The following ATXN7 variants were observed in gnomAD, a reference collection of about 807,000 sequenced individuals.
ATXN7 encodes ataxin 7.
A neutral mutation model predicts 70.5 loss-of-function variants in ATXN7; 12 were observed. The ratio of observed to expected loss-of-function variants is 0.17; its 90% CI spans 0.11 to 0.28. ATXN7 has a LOEUF of 0.28. Ranked by LOEUF, ATXN7 falls within the 10% of genes least tolerant of loss-of-function variation. The pLI, the probability that ATXN7 is intolerant of heterozygous loss-of-function variation, is 1.00. For missense variants in ATXN7, 1,256 were observed against 1,131.7 expected, an observed-to-expected ratio of 1.11 and a Z score of -1.58; for synonymous variants, 498 against 448.7, an observed-to-expected ratio of 1.11 and a Z score of -1.39.
At chr3:63,881,767 CGT>C (rs1402688383) in intron 1 of ATXN7, among the ~76,000 whole-genome samples, 1 of 152,120 alleles carries the variant, frequency 6.6e-6, no homozygotes, top group Admixed American at 6.5e-5. Flanking sequence ...GGATTACAGG[CGT>C]GAGCCACTGC....
chr3:63,963,862 T>C (rs2075173487), intron 5 of ATXN7, among the ~76,000 whole-genome samples: 1 of 152,148 alleles, frequency 6.6e-6, no homozygotes, highest in Admixed American at 6.6e-5. Flanking sequence ...TTCTGTGGGA[T>C]AGAGTCTCAG....
intron 1 of ATXN7, among the ~76,000 whole-genome samples, chr3:63,876,656 T>A (rs900403914): frequency 3.3e-5 from 5 of 152,344 alleles, no homozygotes; most frequent in African/African-American, 1.2e-4. Flanking sequence ...GTTGTCATAA[T>A]AAACAGCGGT....
At chr3:63,867,480 A>C (rs924965245) in intron 1 of ATXN7, among the ~76,000 whole-genome samples, 3 of 152,142 alleles carry the variant, frequency 2.0e-5, no homozygotes, top group Non-Finnish European at 4.4e-5. Flanking sequence ...CTGGGATTAC[A>C]GTCATGAGCC....
At chr3:63,992,156 G>C (rs1286335315) in intron 11 of ATXN7, among the ~76,000 whole-genome samples, 1 of 152,222 alleles carries the variant, frequency 6.6e-6, no homozygotes, top group Non-Finnish European at 1.5e-5. Flanking sequence ...TCCTAATAAA[G>C]TCAGACGCTA....
intron 4 of ATXN7, among the ~76,000 whole-genome samples, chr3:63,914,848 T>C (rs1056353224): frequency 2.0e-5 from 3 of 152,366 alleles, no homozygotes; most frequent in Admixed American, 6.5e-5. Context: ...TTTATCAGCA[T>C]GTTTTTCATG....
At chr3:63,985,023 A>G (rs1232573326) in intron 8 of ATXN7, among the ~76,000 whole-genome samples, 5 of 152,214 alleles carry the variant, frequency 3.3e-5, no homozygotes, top group Non-Finnish European at 7.3e-5. Flanking sequence ...GTCTTCATCC[A>G]GTCACCTGTT....
At chr3:63,909,462 G>A (rs746557865) in intron 2 of ATXN7, among the ~76,000 whole-genome samples, 33 of 152,114 alleles carry the variant, frequency 2.2e-4, no homozygotes, top group Non-Finnish European at 4.0e-4. Flanking sequence ...ATAATTTGGT[G>A]GTATGGAAAG....
Position 63,982,455 on chromosome 3 carries a change from AATTTTCTT to A in ATXN7, c.1012+11_1012+18del. On this transcript the variant is annotated intron_variant, in intron 7 of 12. Coordinates refer to ENST00000674280, the MANE Select transcript of ATXN7 (RefSeq NM_001377405.1). The stretch of plus-strand genomic sequence containing the variant: ...AATAAGAGATTATCAGGTAACTTCA[AATTTTCTT>A]TCTTCATAATGCTTCTCTATATATT... 6.3e-7 allele frequency: 1 copy of A among 1,582,684 alleles called. No individual in the cohort carries two copies.
chr3:63,908,718 A>C (rs537386816), intron 2 of ATXN7, among the ~76,000 whole-genome samples: 1 of 152,336 alleles, frequency 6.6e-6, no homozygotes, highest in African/African-American at 2.4e-5. Flanking sequence ...AATGTAGGAA[A>C]GGTCAACTTT....
intron 4 of ATXN7, among the ~76,000 whole-genome samples, chr3:63,948,244 A>G (rs1024243121): frequency 3.3e-5 from 5 of 152,108 alleles, no homozygotes; most frequent in Admixed American, 3.3e-4. Flanking sequence ...GAATGTGTTG[A>G]GGGACAAGAG....
At chr3:63,943,278 A>G (rs2074800709) in intron 4 of ATXN7, among the ~76,000 whole-genome samples, 1 of 152,214 alleles carries the variant, frequency 6.6e-6, no homozygotes, top group African/African-American at 2.4e-5. Flanking sequence ...GTTCGAAGAG[A>G]GCAGTGTGTC....
intron 2 of ATXN7, chr3:63,912,162 G>A (rs1223388283): frequency 1.3e-5 from 2 of 152,242 alleles, no homozygotes; most frequent in Non-Finnish European, 2.9e-5. Context: ...GCCGGGCCCG[G>A]GGATGCAAGC....
At chr3:63,896,055 A>G (rs558181880) in intron 1 of ATXN7, among the ~76,000 whole-genome samples, 2 of 152,168 alleles carry the variant, frequency 1.3e-5, no homozygotes, top group Non-Finnish European at 2.9e-5. Flanking sequence ...AGCTTTGACA[A>G]AGATGGGAGT....
At chr3:63,934,920 G>A (rs865856776) in intron 4 of ATXN7, among the ~76,000 whole-genome samples, 1 of 152,202 alleles carries the variant, frequency 6.6e-6, no homozygotes, top group Non-Finnish European at 1.5e-5. Context: ...TGTGTTAGCA[G>A]CCTCTCTGGC....
chr3:63,913,906 C>T (rs1704157697), intron 4 of ATXN7, among the ~76,000 whole-genome samples: 1 of 152,158 alleles, frequency 6.6e-6, no homozygotes, highest in South Asian at 2.1e-4. Context: ...GGCCAGGTAT[C>T]TGGAAAGTGT....
intron 1 of ATXN7, among the ~76,000 whole-genome samples, chr3:63,892,473 A>G (rs904889159): frequency 2.1e-5 from 3 of 141,020 alleles, no homozygotes; most frequent in African/African-American, 8.4e-5. Context: ...TCCTTCACAC[A>G]CACACACACA....
chr3:63,871,853 G>T (rs1189088199), intron 1 of ATXN7, among the ~76,000 whole-genome samples: 1 of 147,006 alleles, frequency 6.8e-6, no homozygotes. Flanking sequence ...AATCTGGTTT[G>T]TTTTTAAATT....
chr3:63,997,483 A>G lies in ATXN7; in HGVS notation c.2661+1000A>G, dbSNP rs2075778880. On this transcript the variant is annotated intron_variant, in intron 12 of 12. Transcript: ENST00000674280. ...GTGGTTGTGGGATTCATAATTAACC[A>G]TGACTTTCTCTCTTAGGCTGTATTT... 21 of 682,392 alleles carry G rather than the reference A, an allele frequency of 3.1e-5. 1 individual carries two copies. The South Asian group carries it at 3.8e-4, about 12-fold the overall frequency. The allele number at this position is 682,392 out of a possible 1,614,324, so 42.3% of individuals were successfully genotyped here.
rs1264410805 is a variant in ATXN7, at chr3:64,000,485, G to A, written c.*1018G>A. On this transcript the variant is annotated 3_prime_UTR_variant, in exon 13 of 13. Coordinates refer to ENST00000674280, the MANE Select transcript of ATXN7 (RefSeq NM_001377405.1). ...TTAGATACACTTAAATGTTTCCAAG[G>A]CACTCTCTACATTACCCTTGTTTTT... The A allele has an allele frequency of 6.6e-5, 10 of 152,462 alleles. No homozygotes were observed. The highest frequency in any genetic ancestry group is 4.4e-5 in the Non-Finnish European group (3 of 68,026). The allele number at this position is 152,462 out of a possible 1,614,324, so 9.4% of individuals were successfully genotyped here. A position where few individuals can be genotyped will look rare whatever the true frequency, so the allele number is the denominator to read the frequency against.
Sources: gnomAD v4.1 joint callset for allele counts (sites outside exome capture counted in the v4.1 genomes callset) on GRCh38, gnomAD v4.1.1 for gene constraint, MANE v1.5 for transcripts, NCBI Gene and HGNC (gene_info 2026-07-23, HGNC 2026-07-21) for gene names.